CCDC62: variants seen among roughly 807,000 people sequenced by gnomAD.
CCDC62 encodes coiled-coil domain containing 62, also known as coiled-coil domain-containing protein 62.
In CCDC62, 72 loss-of-function variants were observed where a neutral mutation model predicts 80.8. The observed-to-expected ratio is 0.89, with a 90% CI of 0.74 to 1.08. CCDC62 has a LOEUF of 1.08. CCDC62 is among the 50% of genes least tolerant of loss of function. CCDC62 has a pLI of 0.00. For missense variants in CCDC62, 704 were observed against 809.4 expected (o/e 0.87, Z 1.58); for synonymous variants, 286 against 296.5 (o/e 0.96, Z 0.36).
intron 8 of CCDC62, among the ~76,000 whole-genome samples, chr12:122,799,922 G>T (rs2031190490): frequency 2.0e-5 from 3 of 152,032 alleles, no homozygotes; most frequent in African/African-American, 4.8e-5. Context: ...CCTAGCTGCT[G>T]CCGCTGCCAC....
chr12:122,823,703 T>TA (rs71811332), intron 12 of CCDC62, among the ~76,000 whole-genome samples: 1,668 of 133,124 alleles, frequency 0.013, 16 homozygotes, highest in Middle Eastern at 0.058. Context: ...CCTTGTCTCT[T>TA]AAAAAAAAAA....
intron 2 of CCDC62, among the ~76,000 whole-genome samples, chr12:122,778,787 G>C (rs891703566): frequency 7.2e-5 from 11 of 152,090 alleles, no homozygotes; most frequent in African/African-American, 2.7e-4. Context: ...GCTGAGGCAG[G>C]AGAATTGCTT....
chr12:122,809,512 G>A (rs914889909), intron 10 of CCDC62, among the ~76,000 whole-genome samples: 4 of 151,906 alleles, frequency 2.6e-5, no homozygotes, highest in African/African-American at 9.7e-5. Flanking sequence ...TAGGCTGGGC[G>A]TGGTGGCTCA....
In CCDC62 at chr12:122,797,356, G is replaced by A. The variant is rs547019305; in HGVS notation, c.822G>A (p.Lys274=). Residue 274 remains lysine, a synonymous_variant, in exon 7 of 13, where the codon AAG becomes AAA. Transcript: ENST00000253079. ...KDELLNIAKS[K]QERTNSELHN... is the part of the protein sequence containing the mutation. ...AATTGCTTAATATTGCGAAGTCAAA[G>A]CAAGAACGCACAAATTCAGAACTGC... is the stretch of plus-strand genomic sequence containing the variant. 2.5e-6 allele frequency: 4 copies of A among 1,601,468 alleles called. No homozygotes were observed. The highest frequency in any genetic ancestry group is 1.7e-5 in the Admixed American group (1 of 59,936).
intron 8 of CCDC62, 110 bp from the exon 9 acceptor site, chr12:122,801,010 TCAGA>T: frequency 3.5e-6 from 4 of 1,150,876 alleles, no homozygotes; most frequent in Non-Finnish European, 4.9e-6. Flanking sequence ...GCTCTGAGGT[TCAGA>T]CAAACGAGTC....
intron 6 of CCDC62, among the ~76,000 whole-genome samples, chr12:122,792,481 T>A (rs1293863470): frequency 1.3e-5 from 2 of 151,798 alleles, no homozygotes; most frequent in Non-Finnish European, 2.9e-5. Flanking sequence ...GCCTTGGCCT[T>A]CCAAAGTGCT....
chr12:122,799,477 A>T (rs1284940522), intron 8 of CCDC62, among the ~76,000 whole-genome samples: 1 of 152,212 alleles, frequency 6.6e-6, no homozygotes, highest in Non-Finnish European at 1.5e-5. Context: ...CTGTGCCCTT[A>T]ACTGGATTTT....
In CCDC62 at chr12:122,792,112, C is replaced by T; in HGVS notation, c.763C>T (p.Leu255Phe). ...GAAAAGTTGCCTGCACGATGAATTGCTTTTTACTGGTAAAACAGATGATCG... is the reference window on the plus strand; with the variant it reads ...GAAAAGTTGCCTGCACGATGAATTGTTTTTTACTGGTAAAACAGATGATCG... Reference protein sequence around the residue: ...QEKSCLHDELLFTVEREKRKD... With the variant: ...QEKSCLHDELFFTVEREKRKD... Residue 255 changes from leucine to phenylalanine, a missense_variant, in exon 6 of 13, where the codon CTT (leucine) becomes TTT (phenylalanine). Physicochemically the swap from Leu to Phe is conservative, Grantham distance 22. Transcript: ENST00000253079. 6.3e-7 allele frequency: 1 copy of T among 1,597,128 alleles called. No individual in the cohort carries two copies. The highest frequency in any genetic ancestry group is 8.6e-7 in the Non-Finnish European group (1 of 1,165,018).
At chr12:122,824,133 G>A (rs539954542) in intron 12 of CCDC62, among the ~76,000 whole-genome samples, 99 of 151,054 alleles carry the variant, frequency 6.6e-4, no homozygotes, top group South Asian at 1.1e-3. Context: ...ACCACAATGC[G>A]GGCCGGGCGC....
At chr12:122,778,245 T>C (rs1879600532) in intron 2 of CCDC62, among the ~76,000 whole-genome samples, 1 of 151,464 alleles carries the variant, frequency 6.6e-6, no homozygotes, top group Admixed American at 6.6e-5. Context: ...TCTCAGCTAC[T>C]CGGGAGGCAG....
At chr12:122,800,532 A>G (rs981254105) in intron 8 of CCDC62, among the ~76,000 whole-genome samples, 1 of 151,088 alleles carries the variant, frequency 6.6e-6, no homozygotes, top group Non-Finnish European at 1.5e-5. Flanking sequence ...GGTTCAAGCA[A>G]TTCTCTTGCC....
intron 6 of CCDC62, among the ~76,000 whole-genome samples, 176 bp from the exon 7 acceptor site, chr12:122,797,131 G>A (rs565177463): frequency 1.3e-5 from 2 of 152,176 alleles, no homozygotes; most frequent in South Asian, 4.1e-4. Context: ...ACCCACCTCA[G>A]CCTCCCAAAG....
Position 122,806,170 on chromosome 12 carries a change from G to T in CCDC62, c.1726G>T (p.Asp576Tyr), listed in dbSNP as rs780693155. Residue 576 changes from aspartate (D) to tyrosine (Y), a missense_variant, in exon 10 of 13, where the codon GAT (aspartate) becomes TAT (tyrosine). Physicochemically the swap from Asp to Tyr is radical, Grantham distance 160. Transcript: ENST00000253079. ...SPASELIAIQDSHSLGSSKSA... is the reference protein window; with the variant it reads ...SPASELIAIQYSHSLGSSKSA... Reference sequence around the variant, plus strand: ...TCTTAGTGAGCTAATTGCCATCCAAGATTCCCACTCTTTGGGTTCTTCAAA... The same window carrying T: ...TCTTAGTGAGCTAATTGCCATCCAATATTCCCACTCTTTGGGTTCTTCAAA... 6.2e-7 allele frequency: 1 copy of T among 1,612,674 alleles called. No individual in the cohort carries two copies. The highest frequency in any genetic ancestry group is 8.5e-7 in the Non-Finnish European group (1 of 1,179,364).
chr12:122,783,297 G>A (rs1433144308), intron 3 of CCDC62, among the ~76,000 whole-genome samples: 4 of 148,778 alleles, frequency 2.7e-5, no homozygotes, highest in Admixed American at 6.7e-5. Flanking sequence ...GTGCCACCTC[G>A]GCTCACTGCA....
rs760252883 is a variant in CCDC62 at position 122,801,697 on chromosome 12, C to T, written c.1551C>T (p.His517=). 10 of 1,614,182 alleles carry T rather than the reference C, an allele frequency of 6.2e-6. No homozygotes were observed. The highest frequency in any genetic ancestry group is 8.5e-6 in the Non-Finnish European group (10 of 1,180,034). The change falls in exon 9 of 13, where the codon CAC becomes CAT. Residue 517 remains histidine, a synonymous_variant. Transcript: ENST00000253079. ...GCATGTGTGACTCCAAGTGCTGCCA[C>T]CCGAGTAACTTCATAATTGAAGCCC... The part of the protein sequence containing the change: ...ESGMCDSKCC[H]PSNFIIEAPG...
Position 122,806,101 on chromosome 12 carries a change from TATG to T in CCDC62, c.1707-47_1707-45del. 2.0e-6 allele frequency: 3 copies of T among 1,537,190 alleles called. No individual in the cohort carries two copies. In the South Asian group the frequency reaches 3.5e-5, roughly 18 times the overall value. The stretch of plus-strand genomic sequence containing the variant: ...CTTTTGAGTATAAGAGTGATCTATG[TATG>T]ATATTGTTTTAAGATATTTGTTTTT... On this transcript the variant is annotated intron_variant, in intron 9 of 12. Transcript: ENST00000253079.
At chr12:122,799,387 G>A (rs181863782) in intron 8 of CCDC62, among the ~76,000 whole-genome samples, 66 of 152,168 alleles carry the variant, frequency 4.3e-4, no homozygotes, top group Admixed American at 3.8e-3. Context: ...AGGTATATAG[G>A]GCATGGCACT....
At position 122,777,591 on chromosome 12, in the gene CCDC62, A is replaced by T; in HGVS notation, c.137A>T (p.Asp46Val). The part of the protein sequence containing the change: ...ELKDRDKELN[D>V]MVAVHQQQLL... ...AAAGATCGAGATAAAGAGCTCAATG[A>T]CATGGTTGCAGTGCACCAGCAACAG... Residue 46 changes from aspartate (D) to valine (V), a missense_variant, in exon 2 of 13, where the codon GAC becomes GTC. Coordinates refer to ENST00000253079, the MANE Select transcript of CCDC62 (RefSeq NM_201435.5). 6.2e-7 allele frequency: 1 copy of T among 1,614,194 alleles called. No individual in the cohort carries two copies.
At position 122,812,729 on chromosome 12, in the gene CCDC62, AAAAAAAAG is replaced by A. The variant is rs1227658426; in HGVS notation, c.1852-537_1852-530del. On this transcript the variant is annotated intron_variant, in intron 10 of 12. Transcript: ENST00000253079. ...AGAGCGAGACTCCGTCTCAAAAAAA[AAAAAAAAG>A]AAAGAGAGAGAGAGGGAGGGAGAGA... 8.5e-4 allele frequency among the ~76,000 whole-genome samples: 106 copies of A among 124,868 alleles called. 1 individual carries two copies. Among genetic ancestry groups the A allele is most frequent in the African/African-American group, 2.9e-3 (101 of 34,432 alleles). 81.9% of individuals were successfully genotyped at this position (124,868 alleles called of 152,430 possible). A position where few individuals can be genotyped will look rare whatever the true frequency, so the allele number is the denominator to read the frequency against.
Sources: allele counts gnomAD v4.1 joint callset (sites outside exome capture counted in the v4.1 genomes callset), GRCh38; gene constraint gnomAD v4.1.1; transcripts MANE v1.5; gene names NCBI Gene and HGNC (gene_info 2026-07-23, HGNC 2026-07-21).